The following TMEM131 variants were observed in gnomAD, a reference collection of about 807,000 sequenced individuals.
TMEM131 encodes 2610524E03Rik.
TMEM131 carries 66 observed loss-of-function variants against 211.6 expected under a neutral mutation model. The ratio of observed to expected loss-of-function variants is 0.31; its 90% CI spans 0.26 to 0.38. The LOEUF (loss-of-function observed/expected upper bound fraction) is 0.38, where lower values mean the gene tolerates loss of function less well. Among genes scored for constraint, TMEM131 ranks in the 10% least tolerant of loss-of-function variants. The pLI is 1.00. For synonymous variants in TMEM131, 844 were observed against 841.3 expected (o/e 1.00, Z -0.06); for missense variants, 2,036 against 2,299.3 (o/e 0.89, Z 2.34).
At chr2:97,833,285 G>T (rs536608924) in intron 11 of TMEM131, 80 bp downstream of exon 11, 3 of 692,072 alleles carry the variant, frequency 4.3e-6, no homozygotes, top group Non-Finnish European at 4.8e-6. Flanking sequence ...TTAGAATAAG[G>T]GTTTAATTAT....
In TMEM131 at chr2:97,814,256, T is replaced by C. The variant is rs1681708552; in HGVS notation, c.1425A>G (p.Glu475=). The C allele has an allele frequency of 1.2e-6, 2 of 1,613,684 alleles. No homozygotes were observed. Among genetic ancestry groups the C allele is most frequent in the South Asian group, 1.1e-5 (1 of 91,020 alleles). ...ATACTTTAAACATTGTTTTGGCTTCTTCTGGTAGCAACACATCGTGAATGA... is the reference window on the plus strand; with the variant it reads ...ATACTTTAAACATTGTTTTGGCTTCCTCTGGTAGCAACACATCGTGAATGA... ...AILIHDVLLP[E]EAKTMFKVHN... is the part of the protein sequence containing the mutation. The change falls in exon 14 of 41, where the codon GAA becomes GAG. Residue 475 remains glutamate (E), a synonymous_variant. Transcript: ENST00000186436.
At chr2:97,884,447 G>C (rs2104228849) in intron 4 of TMEM131, among the ~76,000 whole-genome samples, 1 of 152,222 alleles carries the variant, frequency 6.6e-6, no homozygotes, top group African/African-American at 2.4e-5. Flanking sequence ...TTTAGTTGAT[G>C]GTGTAGTTTA....
intron 4 of TMEM131, among the ~76,000 whole-genome samples, chr2:97,865,707 T>G (rs1366329594): frequency 6.6e-6 from 1 of 152,258 alleles, no homozygotes; most frequent in Non-Finnish European, 1.5e-5. Flanking sequence ...TTTCTTGTAG[T>G]GTCTTTGTCT....
chr2:97,765,150 T>C (rs551256680), intron 35 of TMEM131: 1 of 152,340 alleles, frequency 6.6e-6, no homozygotes, highest in African/African-American at 2.4e-5. Flanking sequence ...GTGAAGGATT[T>C]AGGATTGTAT....
chr2:97,879,194 G>A (rs779113121), intron 4 of TMEM131, among the ~76,000 whole-genome samples: 12 of 152,204 alleles, frequency 7.9e-5, no homozygotes, highest in Admixed American at 1.3e-4. Context: ...AGGCTGAAGA[G>A]CAGTCAGCGA....
chr2:97,950,005 A>C (rs1348256198), intron 1 of TMEM131, among the ~76,000 whole-genome samples: 1 of 152,022 alleles, frequency 6.6e-6, no homozygotes, highest in Non-Finnish European at 1.5e-5. Context: ...TGCAAACCCA[A>C]AGGCCTATCA....
intron 1 of TMEM131, among the ~76,000 whole-genome samples, chr2:97,969,059 T>C (rs1338334846): frequency 6.2e-5 from 9 of 146,080 alleles, no homozygotes; most frequent in African/African-American, 2.3e-4. Flanking sequence ...TGCACTTGAG[T>C]ATGGGTGACA....
chr2:97,873,489 T>C (rs141667458), intron 4 of TMEM131, among the ~76,000 whole-genome samples: 6,267 of 152,288 alleles, frequency 0.041, 227 homozygotes, highest in African/African-American at 0.096. Context: ...AGACACCTCA[T>C]ACAGGAGAGC....
chr2:97,762,200 G>A lies in TMEM131; in HGVS notation c.4724C>T (p.Ser1575Phe). 1 of 1,613,838 alleles carries A rather than the reference G, an allele frequency of 6.2e-7. No individual in the cohort carries two copies. The highest frequency in any genetic ancestry group is 8.5e-7 in the Non-Finnish European group (1 of 1,179,846). The change falls in exon 36 of 41, where the codon TCT (serine) becomes TTT (phenylalanine). Residue 1575 changes from serine to phenylalanine, a missense_variant and splice_region_variant. Coordinates refer to ENST00000186436, the MANE Select transcript of TMEM131 (RefSeq NM_015348.2). Reference sequence around the variant, plus strand: ...AGAAAGTTTATAAAGACTATCAGTAGCTGGAAATTAAAAACAAACGGGCTC... The same window carrying A: ...AGAAAGTTTATAAAGACTATCAGTAACTGGAAATTAAAAACAAACGGGCTC... The part of the protein sequence containing the change: ...DSVPVHKPGS[S>F]TDSLYKLSLQ...
At chr2:97,769,877 A>G (rs1029225891) in intron 33 of TMEM131, among the ~76,000 whole-genome samples, 3 of 152,198 alleles carry the variant, frequency 2.0e-5, no homozygotes, top group African/African-American at 7.2e-5. Context: ...CGGTTAGATC[A>G]GATTTCTGTT....
At chr2:97,803,631 A>C (rs1046714435) in intron 22 of TMEM131, among the ~76,000 whole-genome samples, 7 of 152,242 alleles carry the variant, frequency 4.6e-5, no homozygotes, top group African/African-American at 1.4e-4. Context: ...AGTAGCAGAA[A>C]TCCTCTGTAA....
At chr2:97,919,789 C>T (rs568227462) in intron 2 of TMEM131, among the ~76,000 whole-genome samples, 1 of 152,138 alleles carries the variant, frequency 6.6e-6, no homozygotes, top group Non-Finnish European at 1.5e-5. Context: ...AGGCTTGTCT[C>T]GAACTCCTGA....
intron 7 of TMEM131, among the ~76,000 whole-genome samples, chr2:97,839,444 T>G (rs1320094652): frequency 1.3e-5 from 2 of 152,166 alleles, no homozygotes; most frequent in African/African-American, 4.8e-5. Flanking sequence ...AAGTCTAAAT[T>G]ACAAAGTCAA....
At chr2:97,862,081 T>C (rs542958502) in intron 4 of TMEM131, among the ~76,000 whole-genome samples, 8 of 152,308 alleles carry the variant, frequency 5.3e-5, no homozygotes, top group African/African-American at 1.7e-4. Flanking sequence ...ACAGGAATCT[T>C]TGCCAGGTAA....
Position 97,833,415 on chromosome 2 carries a change from C to T in TMEM131, c.1024G>A (p.Val342Ile). The T allele has an allele frequency of 7.4e-7, 1 of 1,347,632 alleles. No individual in the cohort carries two copies. Among genetic ancestry groups the T allele is most frequent in the South Asian group, 1.3e-5 (1 of 74,812 alleles). 83.5% of individuals were successfully genotyped at this position (1,347,632 alleles called of 1,614,324 possible). A position where few individuals can be genotyped will look rare whatever the true frequency, so the allele number is the denominator to read the frequency against. ...GTLRTQDLPK[V>I]LNLHLLNSGT... The stretch of plus-strand genomic sequence containing the variant: ...GAATTTAATAAATGAAGGTTTAAAA[C>T]TTTTGGTAGATCTGTTAAAATTGAG... The change falls in exon 11 of 41, where the codon GTT becomes ATT. Residue 342 changes from valine to isoleucine, a missense_variant. This residue lies in a region of TMEM131 where 277 missense variants were observed against 378.0 expected (regional missense o/e 0.73). Coordinates refer to ENST00000186436, the MANE Select transcript of TMEM131 (RefSeq NM_015348.2).
At chr2:97,894,017 C>T (rs62266780) in intron 3 of TMEM131, among the ~76,000 whole-genome samples, 9 of 152,028 alleles carry the variant, frequency 5.9e-5, no homozygotes, top group South Asian at 2.1e-4. Context: ...TTAGGTTTTA[C>T]GTTTTAAGTC....
At chr2:97,783,650 A>G (rs2104849444) in intron 31 of TMEM131, among the ~76,000 whole-genome samples, 1 of 152,234 alleles carries the variant, frequency 6.6e-6, no homozygotes, top group East Asian at 1.9e-4. Context: ...AATGCTACAG[A>G]CAAAACAGAA....
chr2:97,794,130 G>A (rs1015552795), intron 29 of TMEM131, among the ~76,000 whole-genome samples: 3 of 151,258 alleles, frequency 2.0e-5, no homozygotes, highest in Non-Finnish European at 2.9e-5. Context: ...GCAATGGGGC[G>A]ATCTCAGCTC....
At chr2:97,976,895 G>A (rs1464108105) in intron 1 of TMEM131, among the ~76,000 whole-genome samples, 4 of 141,478 alleles carry the variant, frequency 2.8e-5, no homozygotes, top group Non-Finnish European at 6.0e-5. Flanking sequence ...AATACAGTGG[G>A]AAAAGGGTAG....
Sources: gnomAD v4.1 joint callset for allele counts (sites outside exome capture counted in the v4.1 genomes callset) on GRCh38, gnomAD v4.1.1 for gene constraint, gnomAD v4.1.1 regional missense constraint, MANE v1.5 for transcripts, NCBI Gene and HGNC (gene_info 2026-07-23, HGNC 2026-07-21) for gene names.